The following UBE4B variants were observed in gnomAD, a reference collection of about 807,000 sequenced individuals.
The protein encoded by UBE4B is ubiquitin conjugation factor E4 B.
In UBE4B, 27 loss-of-function variants were observed where a neutral mutation model predicts 148.1. That is an observed-to-expected ratio of 0.18 (90% CI 0.13 to 0.25). UBE4B has a LOEUF of 0.25. Among genes scored for constraint, UBE4B ranks in the 10% least tolerant of loss-of-function variants. The pLI is 1.00. For synonymous variants in UBE4B, 596 were observed against 619.3 expected, an observed-to-expected ratio of 0.96 and a Z score of 0.56; for missense variants, 1,170 against 1,662.4, an observed-to-expected ratio of 0.70 and a Z score of 5.15.
intron 7 of UBE4B, among the ~76,000 whole-genome samples, chr1:10,114,131 G>A (rs4543799): frequency 0.3 from 44,341 of 149,064 alleles, 11,015 homozygotes; most frequent in African/African-American, 0.69. Context: ...GATGTGAGAA[G>A]AATGGGGCTT....
chr1:10,115,164 CTTTT>C (rs5772396), intron 7 of UBE4B, among the ~76,000 whole-genome samples: 1 of 137,016 alleles, frequency 7.3e-6, no homozygotes. Context: ...TAATACCATA[CTTTT>C]TTTTTTTTTT....
In UBE4B at chr1:10,119,599, C is replaced by T; in HGVS notation, c.1425C>T (p.Ser475=). The T allele has an allele frequency of 1.2e-6, 2 of 1,613,038 alleles. No individual in the cohort carries two copies. The highest frequency in any genetic ancestry group is 1.7e-6 in the Non-Finnish European group (2 of 1,179,286). ...ATACTGCTTTAGTACTACAAGGCTC[C>T]CTAACACAGCCCAGGTATGAAGACC... ...ISHTALVLQG[S]LTQPRSLQQP... Residue 475 remains serine, a synonymous_variant, in exon 9 of 28, where the codon TCC becomes TCT. Coordinates refer to ENST00000343090, the MANE Select transcript of UBE4B (RefSeq NM_001105562.3).
In UBE4B at chr1:10,033,517, C is replaced by T. The variant is rs1286627210; in HGVS notation, c.-154C>T. The T allele has an allele frequency of 6.8e-6, 6 of 887,170 alleles. No individual in the cohort carries two copies. The highest frequency in any genetic ancestry group is 9.5e-6 in the Non-Finnish European group (6 of 633,552). The allele number at this position is 887,170 out of a possible 1,614,324, so 55.0% of individuals were successfully genotyped here. On this transcript the variant is annotated 5_prime_UTR_variant, in exon 1 of 28. Transcript: ENST00000343090. ...AAGGCAGTTTAGTGCCTCTCGTGTT[C>T]TTATTTTTTAACCTCTGACTATGCA...
At chr1:10,074,699 C>A (rs76770754) in intron 2 of UBE4B, among the ~76,000 whole-genome samples, 6 of 152,318 alleles carry the variant, frequency 3.9e-5, no homozygotes, top group East Asian at 3.9e-4. Flanking sequence ...GGTTTTCATG[C>A]ATTCTCTGTA....
chr1:10,053,669 C>T (rs1469424743), intron 1 of UBE4B, among the ~76,000 whole-genome samples: 1 of 151,988 alleles, frequency 6.6e-6, no homozygotes, highest in Non-Finnish European at 1.5e-5. Context: ...CTACCCGCTG[C>T]ATGGCTGATT....
intron 1 of UBE4B, among the ~76,000 whole-genome samples, chr1:10,057,420 CTT>C (rs1359827824): frequency 2.3e-4 from 30 of 132,862 alleles, no homozygotes; most frequent in African/African-American, 3.0e-4. Flanking sequence ...AGTCTTTTCT[CTT>C]TTTTTTTTTT....
intron 25 of UBE4B, among the ~76,000 whole-genome samples, chr1:10,175,816 AT>A (rs1646421299): frequency 1.3e-5 from 2 of 152,060 alleles, no homozygotes; most frequent in Middle Eastern, 3.2e-3. Context: ...TTTTCTTGTT[AT>A]TTTTTTCTTC....
chr1:10,053,265 CA>C (rs907315414), intron 1 of UBE4B, among the ~76,000 whole-genome samples: 15 of 151,576 alleles, frequency 9.9e-5, no homozygotes, highest in Admixed American at 4.0e-4. Flanking sequence ...TCTCCTGCCT[CA>C]GCCTCCCAAG....
At chr1:10,143,831 C>T (rs781180715) in intron 17 of UBE4B, among the ~76,000 whole-genome samples, 17 of 152,188 alleles carry the variant, frequency 1.1e-4, no homozygotes, top group Admixed American at 1.1e-3. Flanking sequence ...CGGAGGTCAG[C>T]CTGACAGCAC....
At chr1:10,129,899 C>T (rs559436436) in intron 12 of UBE4B, among the ~76,000 whole-genome samples, 2 of 152,130 alleles carry the variant, frequency 1.3e-5, no homozygotes, top group Admixed American at 6.5e-5. Context: ...GTGATCCACC[C>T]GCCTCAGCCT....
At chr1:10,129,329 A>G in intron 11 of UBE4B, 63 bp from the exon 12 acceptor site, 7 of 1,494,590 alleles carry the variant, frequency 4.7e-6, no homozygotes, top group South Asian at 3.5e-5. Context: ...CTGTTTCTTT[A>G]TGCTACAAAT....
intron 2 of UBE4B, among the ~76,000 whole-genome samples, chr1:10,088,994 T>C (rs921184681): frequency 6.6e-6 from 1 of 152,196 alleles, no homozygotes; most frequent in African/African-American, 2.4e-5. Flanking sequence ...TATTTTTGTT[T>C]AGTCACAAGA....
At chr1:10,044,314 C>T (rs566486807) in intron 1 of UBE4B, among the ~76,000 whole-genome samples, 64 of 152,196 alleles carry the variant, frequency 4.2e-4, no homozygotes, top group African/African-American at 1.5e-3. Flanking sequence ...CTCGGCCTCC[C>T]AAAGTGCTAG....
chr1:10,154,384 T>G (rs11121523), intron 21 of UBE4B, among the ~76,000 whole-genome samples: 2 of 151,560 alleles, frequency 1.3e-5, no homozygotes, highest in African/African-American at 4.8e-5. Context: ...AAAAAAATTT[T>G]AAAAAAAAAG....
chr1:10,156,438 C>T (rs976799900), intron 21 of UBE4B, among the ~76,000 whole-genome samples: 2 of 151,940 alleles, frequency 1.3e-5, no homozygotes, highest in Non-Finnish European at 2.9e-5. Context: ...CGGGGTTTCA[C>T]GATGTTCACC....
intron 1 of UBE4B, among the ~76,000 whole-genome samples, chr1:10,048,168 A>C (rs1251877981): frequency 2.6e-5 from 4 of 151,972 alleles, no homozygotes. Flanking sequence ...TTTGGGAGGC[A>C]ACTAGCTTTT....
intron 23 of UBE4B, chr1:10,163,432 G>A (rs1028610323): frequency 6.6e-6 from 1 of 152,168 alleles, no homozygotes; most frequent in Admixed American, 6.5e-5. Flanking sequence ...CACTTTGGAA[G>A]GCCGAGGCGA....
chr1:10,164,292 T>C (rs1646213846), intron 23 of UBE4B, among the ~76,000 whole-genome samples: 1 of 151,836 alleles, frequency 6.6e-6, no homozygotes, highest in East Asian at 2.0e-4. Flanking sequence ...AGTGAGCTGA[T>C]ACCATGCCAC....
chr1:10,128,935 A>G (rs776131038), intron 11 of UBE4B: 5 of 153,018 alleles, frequency 3.3e-5, no homozygotes, highest in Non-Finnish European at 7.3e-5. Context: ...GTTTTTAAAT[A>G]TGTTTTGAAT....
Sources: allele counts gnomAD v4.1 joint callset (sites outside exome capture counted in the v4.1 genomes callset), GRCh38; gene constraint gnomAD v4.1.1; transcripts MANE v1.5; gene names NCBI Gene and HGNC (gene_info 2026-07-23, HGNC 2026-07-21).